C11orf65: variants seen among roughly 807,000 people sequenced by gnomAD.
C11orf65 encodes the protein protein MFI.
In C11orf65, 38 loss-of-function variants were observed where a neutral mutation model predicts 35.3. That is an observed-to-expected ratio of 1.08 (90% confidence interval 0.83 to 1.41). The LOEUF (loss-of-function observed/expected upper bound fraction) is 1.41, where lower values mean the gene tolerates loss of function less well. Ranked by LOEUF, C11orf65 falls within the 40% of genes most tolerant of loss-of-function variation. The pLI is 0.00. For missense variants in C11orf65, 370 were observed against 367.1 expected (o/e 1.01, Z -0.06); for synonymous variants, 105 against 114.4 (o/e 0.92, Z 0.53).
chr11:108,336,036 C>CCCAT, intron 2 of C11orf65: 1 of 1,141,194 alleles, frequency 8.8e-7, no homozygotes, highest in South Asian at 1.3e-5. Context: ...GTGGCTCATG[C>CCCAT]CCATATTCAT....
At chr11:108,332,628 G>C in intron 3 of C11orf65, 2 of 966,316 alleles carry the variant, frequency 2.1e-6, no homozygotes, top group Non-Finnish European at 3.1e-6. Flanking sequence ...TGTTTTGTTT[G>C]TATCTGAGGA....
chr11:108,379,599 A>G (rs904009771), downstream of C11orf65, among the ~76,000 whole-genome samples: 1 of 152,028 alleles, frequency 6.6e-6, no homozygotes, highest in South Asian at 2.1e-4. Flanking sequence ...CACATTGTGC[A>G]CATGTACCCT....
At chr11:108,319,773 T>C (rs2085055865) in intron 6 of C11orf65, among the ~76,000 whole-genome samples, 1 of 152,256 alleles carries the variant, frequency 6.6e-6, no homozygotes, top group South Asian at 2.1e-4. Context: ...TTCCTTTTTT[T>C]CTGCTTAAAG....
Position 108,443,131 on chromosome 11 carries a change from A to G in C11orf65, c.82-11293T>C, listed in dbSNP as rs189522392. Reference sequence around the variant, plus strand: ...ATAAAGGGATGGAGGAAGATCTAACAAGCAAATGGAAAACAAACAAACAAA... The same window carrying G: ...ATAAAGGGATGGAGGAAGATCTAACGAGCAAATGGAAAACAAACAAACAAA... On this transcript the variant is annotated intron_variant, in intron 2 of 8. Coordinates refer to ENST00000393084, the MANE Select transcript of C11orf65 (RefSeq NM_152587.5). Among the ~76,000 whole-genome samples the G allele has an allele frequency of 3.9e-5, 6 of 152,306 alleles. No homozygotes were observed. The East Asian group carries it at 5.8e-4, about 15-fold the overall frequency.
intron 6 of C11orf65, among the ~76,000 whole-genome samples, chr11:108,322,433 C>T (rs1323127726): frequency 6.6e-5 from 10 of 152,182 alleles, no homozygotes; most frequent in African/African-American, 2.2e-4. Context: ...GGATTGCAGG[C>T]GTTAGCCACC....
At position 108,382,954 on chromosome 11, in the gene C11orf65, A is replaced by C; in HGVS notation, c.*67T>G. On this transcript the variant is annotated 3_prime_UTR_variant, in exon 9 of 9. Transcript: ENST00000393084. ...CAAGTTATTCCAGTCAGAATACACTATCTCTTGGCTATAACTGATGGATGG... is the reference window on the plus strand; with the variant it reads ...CAAGTTATTCCAGTCAGAATACACTCTCTCTTGGCTATAACTGATGGATGG... 6.3e-7 allele frequency: 1 copy of C among 1,591,298 alleles called. No individual in the cohort carries two copies. The highest frequency in any genetic ancestry group is 8.5e-7 in the Non-Finnish European group (1 of 1,173,692).
chr11:108,421,634 G>GA (rs1404767334), intron 3 of C11orf65, among the ~76,000 whole-genome samples: 1 of 152,066 alleles, frequency 6.6e-6, no homozygotes, highest in Admixed American at 6.5e-5. Context: ...CTCCAGTCTG[G>GA]GTGACAGAGC....
chr11:108,467,602 C>G (rs2093556405), upstream of C11orf65: 1 of 152,162 alleles, frequency 6.6e-6, no homozygotes, highest in African/African-American at 2.4e-5. Flanking sequence ...TTCCTCTATT[C>G]GCGCTCTGAC....
At chr11:108,392,359 G>A (rs1565638027) in intron 7 of C11orf65, among the ~76,000 whole-genome samples, 1 of 152,126 alleles carries the variant, frequency 6.6e-6, no homozygotes, top group Non-Finnish European at 1.5e-5. Flanking sequence ...TTTTATTGTG[G>A]AATAATATTC....
downstream of C11orf65, chr11:108,328,984 T>C (rs75008485): frequency 6.4e-7 from 1 of 1,567,808 alleles, no homozygotes; most frequent in Non-Finnish European, 8.8e-7. Context: ...ATTTAGTATT[T>C]GTAAATATAA....
upstream of C11orf65, chr11:108,467,617 T>C (rs1469055454): frequency 6.6e-6 from 1 of 152,098 alleles, no homozygotes; most frequent in Non-Finnish European, 1.5e-5. Context: ...TCTGACAAAG[T>C]GCAGGGGATA....
chr11:108,353,526 T>C (rs2089457572), intron 2 of C11orf65, among the ~76,000 whole-genome samples: 1 of 152,220 alleles, frequency 6.6e-6, no homozygotes, highest in Admixed American at 6.5e-5. Flanking sequence ...AATCACCCTT[T>C]AACCTAGATT....
rs146916657 is a variant in C11orf65, at chr11:108,393,486, T to C, written c.561-108A>G. 2.2e-5 allele frequency: 23 copies of C among 1,037,752 alleles called. No individual in the cohort carries two copies. In the African/African-American group the frequency reaches 2.4e-4, roughly 11 times the overall value. 64.3% of individuals were successfully genotyped at this position (1,037,752 alleles called of 1,614,324 possible). A position where few individuals can be genotyped will look rare whatever the true frequency, so the allele number is the denominator to read the frequency against. ...TTTACATATTAAAACTATTTGCATA[T>C]TGAATAAAGTTTTCATTCCTATATA... On this transcript the variant is annotated intron_variant, in intron 6 of 8. Coordinates refer to ENST00000393084, the MANE Select transcript of C11orf65 (RefSeq NM_152587.5).
At chr11:108,419,166 G>A (rs182616721) in intron 3 of C11orf65, among the ~76,000 whole-genome samples, 36 of 152,198 alleles carry the variant, frequency 2.4e-4, no homozygotes, top group African/African-American at 8.2e-4. Flanking sequence ...ACCAAAATCT[G>A]ACAGAGACAG....
intron 2 of C11orf65, among the ~76,000 whole-genome samples, chr11:108,459,038 T>C (rs936066605): frequency 4.6e-5 from 7 of 152,314 alleles, no homozygotes; most frequent in African/African-American, 1.7e-4. Context: ...AGTGGGAAAA[T>C]TGCCTGGGGG....
chr11:108,327,796 G>GCATATT, downstream of C11orf65: 2 of 1,392,502 alleles, frequency 1.4e-6, no homozygotes, highest in Non-Finnish European at 2.0e-6. Flanking sequence ...TAGTTACTTA[G>GCATATT]CATGAATATG....
downstream of C11orf65, chr11:108,331,085 A>G (rs12792858): frequency 3.6e-5 from 31 of 871,930 alleles, no homozygotes; most frequent in South Asian, 1.0e-3. Flanking sequence ...GCCTATGGGG[A>G]AAAGCAATTA....
chr11:108,357,391 C>G (rs972693908), intron 2 of C11orf65, among the ~76,000 whole-genome samples: 1 of 152,246 alleles, frequency 6.6e-6, no homozygotes, highest in Non-Finnish European at 1.5e-5. Context: ...ATTGCCCAGG[C>G]TTGATTAGGT....
chr11:108,442,644 A>C (rs2093175544), intron 2 of C11orf65, among the ~76,000 whole-genome samples: 1 of 152,244 alleles, frequency 6.6e-6, no homozygotes, highest in Non-Finnish European at 1.5e-5. Context: ...AAACTCTACA[A>C]GCCAGAAGAC....
Sources: allele counts gnomAD v4.1 joint callset (sites outside exome capture counted in the v4.1 genomes callset), GRCh38; gene constraint gnomAD v4.1.1; transcripts MANE v1.5; gene names NCBI Gene and HGNC (gene_info 2026-07-23, HGNC 2026-07-21).